The following ZFHX3 variants were observed in gnomAD, a reference collection of about 807,000 sequenced individuals.
The protein encoded by ZFHX3 is zinc finger homeobox protein 3.
In ZFHX3, 42 loss-of-function variants were observed where a neutral mutation model predicts 279.1. The observed-to-expected ratio is 0.15, with a 90% CI of 0.12 to 0.19. ZFHX3 has a LOEUF of 0.19. Ranked by LOEUF, ZFHX3 falls within the 10% of genes least tolerant of loss-of-function variation. The pLI, the probability that ZFHX3 is intolerant of heterozygous loss-of-function variation, is 1.00. For synonymous variants in ZFHX3, 2,293 were observed against 1,957.8 expected (o/e 1.17, Z -4.52); for missense variants, 4,981 against 4,754.0 (o/e 1.05, Z -1.40).
chr16:73,622,205 C>T (rs71388979), intron 2 of ZFHX3, among the ~76,000 whole-genome samples: 14,341 of 152,126 alleles, frequency 0.094, 763 homozygotes, highest in Middle Eastern at 0.13. Flanking sequence ...CCTTGTTTAG[C>T]CACAGATCCA....
chr16:72,837,768 TA>T (rs958780351), intron 4 of ZFHX3, among the ~76,000 whole-genome samples: 78 of 146,852 alleles, frequency 5.3e-4, no homozygotes, highest in African/African-American at 1.4e-3. Context: ...CCCAAATAAT[TA>T]AAAAAAAAAA....
chr16:72,890,556 A>C (rs2038749278), intron 3 of ZFHX3, among the ~76,000 whole-genome samples: 1 of 151,742 alleles, frequency 6.6e-6, no homozygotes. Context: ...CTTTGAAAAA[A>C]CACAGCAAGC....
chr16:73,017,542 C>T (rs1464042393), intron 1 of ZFHX3, among the ~76,000 whole-genome samples: 3 of 152,318 alleles, frequency 2.0e-5, no homozygotes, highest in African/African-American at 2.4e-5. Context: ...CCACCAATGT[C>T]TTGGCTGCCG....
chr16:73,069,854 G>A (rs967532242), intron 8 of ZFHX3, among the ~76,000 whole-genome samples: 2 of 152,144 alleles, frequency 1.3e-5, no homozygotes, highest in African/African-American at 2.4e-5. Flanking sequence ...AAAATTGTTC[G>A]AAGAGTGATC....
chr16:72,934,109 C>T (rs993326213), intron 3 of ZFHX3, among the ~76,000 whole-genome samples: 5 of 152,168 alleles, frequency 3.3e-5, no homozygotes, highest in East Asian at 1.9e-4. Context: ...TTAGCCACCA[C>T]GCCCGGCCAC....
chr16:73,865,318 A>C (rs2142394144), intron 1 of ZFHX3, among the ~76,000 whole-genome samples: 1 of 152,290 alleles, frequency 6.6e-6, no homozygotes, highest in East Asian at 1.9e-4. Flanking sequence ...AATCTATGCA[A>C]ATAGGCCATG....
intron 3 of ZFHX3, among the ~76,000 whole-genome samples, chr16:73,437,052 C>T (rs554877390): frequency 9.2e-5 from 14 of 152,248 alleles, no homozygotes; most frequent in African/African-American, 2.6e-4. Context: ...TGCCTGACAC[C>T]GCAATCTGGA....
Position 73,694,406 on chromosome 16 carries a change from C to T in ZFHX3, c.-1607-14166G>A, listed in dbSNP as rs541610825. ...TCGCCCAGGCTGGAGTTCAGTGGTG[C>T]GATATCGGCTTACTACAACGTCCAC... On this transcript the variant is annotated intron_variant, in intron 1 of 17. Coordinates refer to the ZFHX3 transcript ENST00000641206. 3.3e-5 allele frequency among the ~76,000 whole-genome samples: 5 copies of T among 152,104 alleles called. No individual in the cohort carries two copies. In the South Asian group the frequency reaches 6.2e-4, roughly 19 times the overall value.
intron 3 of ZFHX3, among the ~76,000 whole-genome samples, chr16:72,903,450 A>C (rs1013004861): frequency 6.6e-6 from 1 of 152,214 alleles, no homozygotes; most frequent in African/African-American, 2.4e-5. Flanking sequence ...GGGTTAGACA[A>C]GGCAGGCTTC....
intron 2 of ZFHX3, among the ~76,000 whole-genome samples, chr16:73,500,691 CAAAAAA>C (rs35032435): frequency 1.3e-4 from 13 of 96,906 alleles, no homozygotes; most frequent in African/African-American, 4.8e-4. Context: ...TTTTAAAATA[CAAAAAA>C]AAAAAAAAAA....
At chr16:72,946,326 C>T (rs557141561) in intron 3 of ZFHX3, among the ~76,000 whole-genome samples, 3 of 152,296 alleles carry the variant, frequency 2.0e-5, no homozygotes, top group Admixed American at 6.5e-5. Flanking sequence ...GACTCAACAC[C>T]GTGGTAGACA....
At chr16:72,904,300 A>T (rs899206666) in intron 3 of ZFHX3, among the ~76,000 whole-genome samples, 3 of 151,782 alleles carry the variant, frequency 2.0e-5, no homozygotes, top group African/African-American at 7.3e-5. Context: ...CAGGAGGTGG[A>T]GGTCGCAGTG....
intron 2 of ZFHX3, among the ~76,000 whole-genome samples, chr16:73,575,927 G>C (rs186000436): frequency 5.3e-5 from 8 of 152,120 alleles, no homozygotes; most frequent in African/African-American, 1.9e-4. Flanking sequence ...AAATATGGCA[G>C]GCTTTACCAT....
At chr16:73,336,841 C>T (rs896382626) in intron 3 of ZFHX3, among the ~76,000 whole-genome samples, 1 of 152,094 alleles carries the variant, frequency 6.6e-6, no homozygotes, top group Non-Finnish European at 1.5e-5. Flanking sequence ...AACCCTTAGC[C>T]AAGTTTAAAA....
chr16:73,638,235 T>C lies in ZFHX3; in HGVS notation c.-1547+41945A>G, dbSNP rs1294645584. Among the ~76,000 whole-genome samples, 3 of 152,356 alleles carry C rather than the reference T, an allele frequency of 2.0e-5. No homozygotes were observed. In the East Asian group the frequency reaches 5.8e-4, roughly 29 times the overall value. ...CTCAATGATAGTTTAATTTTAATTG[T>C]TCTCAAATTGGAAATTAATCGAGGA... On this transcript the variant is annotated intron_variant, in intron 2 of 17. Transcript: ENST00000641206.
chr16:73,290,309 T>C (rs2014736515), intron 4 of ZFHX3, among the ~76,000 whole-genome samples: 1 of 151,982 alleles, frequency 6.6e-6, no homozygotes, highest in African/African-American at 2.4e-5. Flanking sequence ...AGAGAGAGAC[T>C]GGAAGCTCAT....
intron 1 of ZFHX3, among the ~76,000 whole-genome samples, chr16:73,717,900 G>C (rs1042975192): frequency 6.6e-6 from 1 of 152,172 alleles, no homozygotes; most frequent in African/African-American, 2.4e-5. Flanking sequence ...CTGTGGCTCT[G>C]GTGTAAAGAG....
chr16:72,795,525 A>G lies in ZFHX3; in HGVS notation c.7157T>C (p.Met2386Thr). 6.2e-7 allele frequency: 1 copy of G among 1,614,142 alleles called. No homozygotes were observed. Among genetic ancestry groups the G allele is most frequent in the African/African-American group, 1.3e-5 (1 of 75,038 alleles). ...TGGGGCGCTGTAAGCCTGTGAGGGC[A>G]TCGGGGTACTGCAGGATGAGCTGGT... is the stretch of plus-strand genomic sequence containing the variant. The part of the protein sequence containing the change: ...TPTSSSCSTP[M>T]PSQAYSAPAP... Residue 2386 changes from methionine (M) to threonine (T), a missense_variant, in exon 9 of 10, where the codon ATG becomes ACG. Physicochemically the swap from Met to Thr is moderately conservative, Grantham distance 81. Coordinates refer to ENST00000268489, the MANE Select transcript of ZFHX3 (RefSeq NM_006885.4).
chr16:73,297,134 C>A (rs1334103928), intron 4 of ZFHX3, among the ~76,000 whole-genome samples: 1 of 151,796 alleles, frequency 6.6e-6, no homozygotes, highest in East Asian at 1.9e-4. Flanking sequence ...GCCTAGGCCT[C>A]CCAAAGTGCT....
Sources: allele counts gnomAD v4.1 joint callset (sites outside exome capture counted in the v4.1 genomes callset), GRCh38; gene constraint gnomAD v4.1.1; transcripts MANE v1.5; gene names NCBI Gene and HGNC (gene_info 2026-07-23, HGNC 2026-07-21).